Variants in CTNNA2 observed in about 807,000 individuals in gnomAD.
CTNNA2 encodes catenin alpha-2.
CTNNA2 carries 42 observed loss-of-function variants against 101.0 expected under a neutral mutation model. That is an observed-to-expected ratio of 0.42 (90% confidence interval 0.32 to 0.54). CTNNA2 has a LOEUF of 0.54. CTNNA2 is among the 20% of genes least tolerant of loss of function. The probability of loss-of-function intolerance (pLI) is 0.14; values close to 1 mark genes in which losing one functional copy is unlikely to be tolerated. For missense variants in CTNNA2, 871 were observed against 1,223.1 expected (o/e 0.71, Z 4.29); for synonymous variants, 450 against 456.4 (o/e 0.99, Z 0.18).
At chr2:79,827,301 G>C (rs987422563) in intron 3 of CTNNA2, among the ~76,000 whole-genome samples, 5 of 152,150 alleles carry the variant, frequency 3.3e-5, no homozygotes, top group African/African-American at 1.2e-4. Flanking sequence ...GCCTCCCAAA[G>C]TGCTGGGATT....
chr2:79,658,606 C>T (rs1363394142), intron 2 of CTNNA2, among the ~76,000 whole-genome samples: 1 of 151,912 alleles, frequency 6.6e-6, no homozygotes, highest in Non-Finnish European at 1.5e-5. Flanking sequence ...CAACCTTTAC[C>T]TTTTCAGGAA....
intron 4 of CTNNA2, among the ~76,000 whole-genome samples, chr2:79,486,173 A>T (rs2104560331): frequency 6.6e-6 from 1 of 152,102 alleles, no homozygotes; most frequent in South Asian, 2.1e-4. Context: ...TGCTGCACCC[A>T]TTAACTCGTC....
At chr2:79,315,149 G>A (rs1362684698) in intron 3 of CTNNA2, among the ~76,000 whole-genome samples, 3 of 151,812 alleles carry the variant, frequency 2.0e-5, no homozygotes, top group Non-Finnish European at 1.5e-5. Context: ...ACCTTCAATG[G>A]TGATTATGAT....
At chr2:80,582,666 C>T (rs3770335) in intron 14 of CTNNA2, among the ~76,000 whole-genome samples, 5,533 of 152,100 alleles carry the variant, frequency 0.036, 256 homozygotes, top group African/African-American at 0.11. Context: ...CTTAAGGGCT[C>T]AGTTTCCAAA....
intron 2 of CTNNA2, among the ~76,000 whole-genome samples, chr2:79,690,018 GA>G (rs1207401110): frequency 6.6e-6 from 1 of 151,834 alleles, no homozygotes; most frequent in Non-Finnish European, 1.5e-5. Context: ...GAAGAAAAGA[GA>G]AATAAAGGGA....
At chr2:80,068,153 G>A (rs11126749) in intron 7 of CTNNA2, among the ~76,000 whole-genome samples, 97,645 of 152,112 alleles carry the variant, frequency 0.64, 34,664 homozygotes, top group Non-Finnish European at 0.82. Flanking sequence ...GCAGATGGAA[G>A]GAGAGAGGCA....
intron 7 of CTNNA2, among the ~76,000 whole-genome samples, chr2:79,937,948 T>C (rs1687899570): frequency 6.6e-6 from 1 of 152,218 alleles, no homozygotes; most frequent in African/African-American, 2.4e-5. Flanking sequence ...ATTGACCTTT[T>C]AGAGGGTGGG....
rs1451763508 is a variant in CTNNA2, at chr2:80,362,003, A to C, written c.1057-31208A>C. 2.0e-5 allele frequency among the ~76,000 whole-genome samples: 3 copies of C among 152,184 alleles called. No individual in the cohort carries two copies. In the East Asian group the frequency reaches 5.8e-4, roughly 29 times the overall value. ...AGAGGACTTGACAGCACCATTTGTC[A>C]CACACAGTTCAACCTGAATTCACTT... On this transcript the variant is annotated intron_variant, in intron 7 of 18. Transcript: ENST00000402739.
At chr2:80,136,696 A>C (rs1476485663) in intron 7 of CTNNA2, among the ~76,000 whole-genome samples, 4 of 152,090 alleles carry the variant, frequency 2.6e-5, no homozygotes, top group African/African-American at 9.7e-5. Flanking sequence ...CTCTTGCAAA[A>C]AGCAGGGCCA....
chr2:79,590,707 GT>G (rs1473637242), intron 1 of CTNNA2, among the ~76,000 whole-genome samples: 1 of 151,638 alleles, frequency 6.6e-6, no homozygotes, highest in East Asian at 1.9e-4. Context: ...GCCCTTTTAC[GT>G]TTTTTTCATG....
At chr2:79,937,310 A>G (rs1448554434) in intron 7 of CTNNA2, among the ~76,000 whole-genome samples, 1 of 152,220 alleles carries the variant, frequency 6.6e-6, no homozygotes, top group Admixed American at 6.5e-5. Context: ...GGAAACTACT[A>G]TCAGTGTTAC....
intron 3 of CTNNA2, among the ~76,000 whole-genome samples, chr2:79,793,558 G>A (rs1229437070): frequency 6.6e-6 from 1 of 152,184 alleles, no homozygotes; most frequent in Non-Finnish European, 1.5e-5. Context: ...AAGCTGGCCT[G>A]TACCCTCTCT....
In CTNNA2 at chr2:80,252,040, A is replaced by G. The variant is rs75005176; in HGVS notation, c.1057-141171A>G. On this transcript the variant is annotated intron_variant, in intron 7 of 18. Coordinates refer to ENST00000402739, the MANE Select transcript of CTNNA2 (RefSeq NM_001282597.3). ...TTTGTTTGTATAATAAACTTTTAAA[A>G]CTTTCTAGAGTCAATTCCTCTGGGC... 5.6e-3 allele frequency among the ~76,000 whole-genome samples: 860 copies of G among 152,304 alleles called. 11 individuals carry two copies. Among genetic ancestry groups the G allele is most frequent in the African/African-American group, 0.019 (785 of 41,580 alleles).
At chr2:79,660,205 A>T (rs977686649) in intron 2 of CTNNA2, among the ~76,000 whole-genome samples, 27 of 150,072 alleles carry the variant, frequency 1.8e-4, no homozygotes, top group African/African-American at 6.6e-4. Context: ...TACTATGTAT[A>T]TATAGTATAT....
chr2:80,096,956 A>G (rs1196283607), intron 7 of CTNNA2, among the ~76,000 whole-genome samples: 1 of 152,028 alleles, frequency 6.6e-6, no homozygotes, highest in East Asian at 1.9e-4. Context: ...TTGACTCCTT[A>G]TCCAATTTGC....
chr2:79,195,172 GTTCT>G (rs1277166233), intron 1 of CTNNA2, among the ~76,000 whole-genome samples: 33 of 152,286 alleles, frequency 2.2e-4, no homozygotes, highest in Non-Finnish European at 1.6e-4. Flanking sequence ...TAGACCTTCT[GTTCT>G]TTCTATTTCA....
chr2:80,095,497 T>G (rs1700088041), intron 7 of CTNNA2, among the ~76,000 whole-genome samples: 1 of 152,346 alleles, frequency 6.6e-6, no homozygotes, highest in African/African-American at 2.4e-5. Flanking sequence ...GGCTTTGGTA[T>G]CAGGATGATG....
chr2:79,995,236 T>C (rs1020060790), intron 7 of CTNNA2, among the ~76,000 whole-genome samples: 1 of 152,200 alleles, frequency 6.6e-6, no homozygotes, highest in African/African-American at 2.4e-5. Flanking sequence ...TTTTGATACC[T>C]GTTTGAATAA....
intron 4 of CTNNA2, among the ~76,000 whole-genome samples, chr2:79,398,657 T>C (rs1248922154): frequency 6.6e-6 from 1 of 151,906 alleles, no homozygotes; most frequent in Non-Finnish European, 1.5e-5. Context: ...TAGAAAATTT[T>C]CTAAAGAAAA....
Sources: gnomAD v4.1 joint callset for allele counts (sites outside exome capture counted in the v4.1 genomes callset) on GRCh38, gnomAD v4.1.1 for gene constraint, MANE v1.5 for transcripts, NCBI Gene and HGNC (gene_info 2026-07-23, HGNC 2026-07-21) for gene names.